Variants in FKBP9 observed in about 807,000 individuals in gnomAD.
The protein encoded by FKBP9 is FKBP prolyl isomerase 9.
A neutral mutation model predicts 55.6 loss-of-function variants in FKBP9; 27 were observed. That is an observed-to-expected ratio of 0.49 (90% CI 0.36 to 0.67). The LOEUF (loss-of-function observed/expected upper bound fraction) is 0.67, where lower values mean the gene tolerates loss of function less well. Ranked by LOEUF, FKBP9 falls within the 30% of genes least tolerant of loss-of-function variation. FKBP9 has a pLI of 0.00. For missense variants in FKBP9, 539 were observed against 742.8 expected, an observed-to-expected ratio of 0.73 and a Z score of 3.19; for synonymous variants, 267 against 296.5, an observed-to-expected ratio of 0.90 and a Z score of 1.02.
rs190150796 is a variant in FKBP9 at position 33,006,220 on chromosome 7, C to T, written c.*869C>T. ...GCAGCCTCCGCCTCCCGTATTCAAG[C>T]GATTCTCCTGTCTCAGCCTCCTGAG... On this transcript the variant is annotated 3_prime_UTR_variant, in exon 10 of 10. Transcript: ENST00000242209. 725 of 192,384 alleles carry T rather than the reference C, an allele frequency of 3.8e-3. 12 individuals are homozygous for T. The South Asian group carries it at 0.054, about 14-fold the overall frequency. The allele number at this position is 192,384 out of a possible 1,614,324, so 11.9% of individuals were successfully genotyped here. A position where few individuals can be genotyped will look rare whatever the true frequency, so the allele number is the denominator to read the frequency against.
chr7:32,968,065 C>G (rs957905265), intron 1 of FKBP9, among the ~76,000 whole-genome samples: 4 of 152,132 alleles, frequency 2.6e-5, no homozygotes, highest in Non-Finnish European at 5.9e-5. Context: ...TAGACAGAGT[C>G]TTTTGTTCTG....
chr7:32,975,126 T>A (rs1324344164), intron 2 of FKBP9, 56 bp from the exon 3 acceptor site: 47 of 1,445,476 alleles, frequency 3.3e-5, no homozygotes, highest in Non-Finnish European at 4.5e-5. Context: ...AGGTGTTTAT[T>A]TATCTGGCCT....
rs533303746 is a variant in FKBP9 at position 32,961,688 on chromosome 7, C to T, written c.221+3894C>T. 6.1e-3 allele frequency among the ~76,000 whole-genome samples: 925 copies of T among 152,128 alleles called. 8 individuals carry two copies. Among genetic ancestry groups the T allele is most frequent in the Non-Finnish European group, 0.011 (739 of 67,966 alleles). On this transcript the variant is annotated intron_variant, in intron 1 of 9. Transcript: ENST00000242209. ...GCTTCATCTGTATTTACAGTGTCTC[C>T]GCATTGCTCACATCACTGCTTGAGC...
In FKBP9 at chr7:33,005,575, G is replaced by A. The variant is rs1169675951; in HGVS notation, c.*224G>A. 2 of 524,936 alleles carry A rather than the reference G, an allele frequency of 3.8e-6. No homozygotes were observed. The highest frequency in any genetic ancestry group is 6.9e-6 in the Non-Finnish European group (2 of 288,704). 32.5% of individuals were successfully genotyped at this position (524,936 alleles called of 1,614,324 possible). ...AACAAAATCTGTGCAGAGGGCCTTA[G>A]CATGGGATGTGTCCAGTATTGAAAA... On this transcript the variant is annotated 3_prime_UTR_variant, in exon 10 of 10. Transcript: ENST00000242209.
chr7:32,959,523 A>G (rs1783977426), intron 1 of FKBP9, among the ~76,000 whole-genome samples: 1 of 152,220 alleles, frequency 6.6e-6, no homozygotes, highest in Non-Finnish European at 1.5e-5. Context: ...ATATTCACAG[A>G]GTAGTGCAAA....
chr7:32,988,334 AT>A (rs1381986002), intron 5 of FKBP9, among the ~76,000 whole-genome samples, 172 bp from the exon 6 acceptor site: 1 of 151,990 alleles, frequency 6.6e-6, no homozygotes, highest in African/African-American at 2.4e-5. Context: ...GGGGGTTCTT[AT>A]TTACCCTTCC....
intron 7 of FKBP9, among the ~76,000 whole-genome samples, chr7:32,999,773 C>A (rs371089310): frequency 6.6e-6 from 1 of 152,080 alleles, no homozygotes; most frequent in Middle Eastern, 3.2e-3. Flanking sequence ...GACAGAGTCT[C>A]ACTCTGTCTC....
At position 33,005,462 on chromosome 7, in the gene FKBP9, A is replaced by G; in HGVS notation, c.*111A>G. On this transcript the variant is annotated 3_prime_UTR_variant, in exon 10 of 10. Coordinates refer to ENST00000242209, the MANE Select transcript of FKBP9 (RefSeq NM_007270.5). The stretch of plus-strand genomic sequence containing the variant: ...CTCAGAAGTTGCATCATTAGCCAGT[A>G]GTAGGTGGGTCACATAGTACCTGGT... The G allele has an allele frequency of 8.4e-7, 1 of 1,190,026 alleles. No homozygotes were observed. The highest frequency in any genetic ancestry group is 1.2e-6 in the Non-Finnish European group (1 of 835,826). 73.7% of individuals were successfully genotyped at this position (1,190,026 alleles called of 1,614,324 possible).
At position 32,964,074 on chromosome 7, in the gene FKBP9, G is replaced by A. The variant is rs189659004; in HGVS notation, c.221+6280G>A. ...CAGGTCAGGACATGCTAACTTAGGA[G>A]TTGTTTAGAGTGTGACTGCACATTG... On this transcript the variant is annotated intron_variant, in intron 1 of 9. Transcript: ENST00000242209. Among the ~76,000 whole-genome samples the A allele has an allele frequency of 1.3e-3, 195 of 152,366 alleles. 2 individuals carry two copies. The highest frequency in any genetic ancestry group is 4.0e-3 in the African/African-American group (167 of 41,584).
intron 9 of FKBP9, among the ~76,000 whole-genome samples, chr7:33,004,489 G>C (rs541355412): frequency 6.6e-6 from 1 of 152,218 alleles, no homozygotes; most frequent in East Asian, 1.9e-4. Context: ...CTCTGCTCAG[G>C]AGACATCTAC....
rs758324148 is a variant in FKBP9 at position 32,975,341 on chromosome 7, C to T, written c.527C>T (p.Thr176Met). The change falls in exon 3 of 10, where the codon ACG becomes ATG. Residue 176 changes from threonine (T) to methionine (M), a missense_variant. Thr to Met is a moderately conservative substitution (Grantham distance 81). Transcript: ENST00000242209. ...SDFVRYHYNG[T>M]FLDGTLFDSS... is the part of the protein sequence containing the mutation. ...TTTGTGAGGTACCACTACAACGGGACGTTCCTGGACGGAACTCTGTTTGAT... is the reference window on the plus strand; with the variant it reads ...TTTGTGAGGTACCACTACAACGGGATGTTCCTGGACGGAACTCTGTTTGAT... The T allele has an allele frequency of 8.1e-6, 13 of 1,613,834 alleles. No homozygotes were observed. The highest frequency in any genetic ancestry group is 2.2e-5 in the East Asian group (1 of 44,902).
In FKBP9 at chr7:33,005,416, G is replaced by A. The variant is rs1785017626; in HGVS notation, c.*65G>A. On this transcript the variant is annotated 3_prime_UTR_variant, in exon 10 of 10. Coordinates refer to ENST00000242209, the MANE Select transcript of FKBP9 (RefSeq NM_007270.5). ...CCAAGCCACCTGTGTGGCAAGACGT[G>A]CAGTGAGGGTGCAAGGGTCTCTCAG... 6.3e-7 allele frequency: 1 copy of A among 1,577,976 alleles called. No homozygotes were observed. Among genetic ancestry groups the A allele is most frequent in the Non-Finnish European group, 8.7e-7 (1 of 1,155,278 alleles).
chr7:32,972,299 G>A (rs1784267505), intron 1 of FKBP9, among the ~76,000 whole-genome samples: 1 of 152,042 alleles, frequency 6.6e-6, no homozygotes, highest in South Asian at 2.1e-4. Flanking sequence ...TTGAAATCTT[G>A]CTTTCTGTTC....
At chr7:32,980,256 G>C (rs1784448676) in intron 4 of FKBP9, 108 bp from the exon 5 acceptor site, 9 of 971,492 alleles carry the variant, frequency 9.3e-6, no homozygotes, top group Non-Finnish European at 1.2e-5. Context: ...TGTTTCCTTG[G>C]CTTCAAAACC....
At chr7:32,991,771 G>A (rs746551736) in intron 6 of FKBP9, among the ~76,000 whole-genome samples, 2 of 152,226 alleles carry the variant, frequency 1.3e-5, no homozygotes, top group Non-Finnish European at 2.9e-5. Flanking sequence ...TCAAAGTGGA[G>A]AATGGATTCT....
At chr7:32,963,676 T>A (rs1301551402) in intron 1 of FKBP9, 1 of 1,442,972 alleles carries the variant, frequency 6.9e-7, no homozygotes, top group Non-Finnish European at 9.1e-7. Context: ...TCCAATTCCT[T>A]GTGAGGGTCC....
At chr7:33,001,118 C>T (rs1385600724) in intron 8 of FKBP9, among the ~76,000 whole-genome samples, 1 of 152,128 alleles carries the variant, frequency 6.6e-6, no homozygotes, top group African/African-American at 2.4e-5. Flanking sequence ...CTGCTGATAT[C>T]TGGACATGGA....
At chr7:32,963,486 A>G (rs1412647380) in intron 1 of FKBP9, 1 of 564,058 alleles carries the variant, frequency 1.8e-6, no homozygotes, top group African/African-American at 1.9e-5. Flanking sequence ...AATTCTAGAG[A>G]TCAGCCTCAT....
chr7:32,976,530 T>C (rs118076591), intron 4 of FKBP9, 31 bp downstream of exon 4: 28,672 of 1,554,252 alleles, frequency 0.018, 1,461 homozygotes, highest in East Asian at 0.18. Flanking sequence ...GAGCCACTCT[T>C]TCCTACCCTT....
Sources: gnomAD v4.1 joint callset for allele counts (sites outside exome capture counted in the v4.1 genomes callset) on GRCh38, gnomAD v4.1.1 for gene constraint, MANE v1.5 for transcripts, NCBI Gene and HGNC (gene_info 2026-07-23, HGNC 2026-07-21) for gene names.